The following SLC35F3 variants were observed in gnomAD, a reference collection of about 807,000 sequenced individuals.
SLC35F3 encodes the protein solute carrier family 35 member F3.
SLC35F3 carries 25 observed loss-of-function variants against 49.9 expected under a neutral mutation model. That is an observed-to-expected ratio of 0.50 (90% CI 0.37 to 0.70). SLC35F3 has a LOEUF of 0.70. SLC35F3 is among the 30% of genes least tolerant of loss of function. SLC35F3 has a pLI of 0.00. For synonymous variants in SLC35F3, 275 were observed against 265.4 expected, an observed-to-expected ratio of 1.04 and a Z score of -0.35; for missense variants, 525 against 639.8, an observed-to-expected ratio of 0.82 and a Z score of 1.94.
intron 2 of SLC35F3, among the ~76,000 whole-genome samples, chr1:234,188,907 A>G (rs755433247): frequency 9.2e-5 from 14 of 152,192 alleles, no homozygotes; most frequent in Non-Finnish European, 2.1e-4. Flanking sequence ...GTACCAGCCC[A>G]GAGCCTGGTA....
At chr1:234,111,814 A>T (rs912950667) in intron 2 of SLC35F3, among the ~76,000 whole-genome samples, 1 of 152,186 alleles carries the variant, frequency 6.6e-6, no homozygotes, top group Non-Finnish European at 1.5e-5. Context: ...AGAAAAGAAG[A>T]CTTTTTTAAA....
At chr1:234,203,952 C>A (rs1287320430) in intron 2 of SLC35F3, among the ~76,000 whole-genome samples, 2 of 152,142 alleles carry the variant, frequency 1.3e-5, no homozygotes, top group Admixed American at 1.3e-4. Context: ...GTTATATGAT[C>A]TACATAAGGG....
chr1:233,945,478 T>G (rs1183297904), intron 2 of SLC35F3, among the ~76,000 whole-genome samples: 1 of 152,248 alleles, frequency 6.6e-6, no homozygotes, highest in Non-Finnish European at 1.5e-5. Flanking sequence ...AGATGTTCTG[T>G]AATGGGGATG....
intron 2 of SLC35F3, among the ~76,000 whole-genome samples, chr1:234,001,058 A>G (rs1411848319): frequency 6.6e-6 from 1 of 152,228 alleles, no homozygotes; most frequent in Non-Finnish European, 1.5e-5. Context: ...GAGTCCTGAC[A>G]GGGCAGTTTG....
chr1:234,111,961 C>T (rs898490419), intron 2 of SLC35F3, among the ~76,000 whole-genome samples: 4 of 152,256 alleles, frequency 2.6e-5, no homozygotes, highest in African/African-American at 4.8e-5. Flanking sequence ...GCTCATCCTC[C>T]GAGTGGAGCA....
Position 234,243,506 on chromosome 1 carries a change from C to T in SLC35F3, c.608+11765C>T, listed in dbSNP as rs558794460. Among the ~76,000 whole-genome samples the T allele has an allele frequency of 3.9e-5, 6 of 152,294 alleles. No homozygotes were observed. The East Asian group carries it at 7.7e-4, about 20-fold the overall frequency. ...TTGTCTCTTGGTAAAGATGTTTTCT[C>T]GCATGTAGCAAGTGGAGGGAATTCA... On this transcript the variant is annotated intron_variant, in intron 3 of 7. Coordinates refer to ENST00000366618, the MANE Select transcript of SLC35F3 (RefSeq NM_173508.4).
rs185640311 is a variant in SLC35F3 at position 234,229,305 on chromosome 1, A to G, written c.284-2112A>G. Among the ~76,000 whole-genome samples the G allele has an allele frequency of 4.0e-5, 6 of 151,558 alleles. No homozygotes were observed. In the East Asian group the frequency reaches 1.2e-3, roughly 29 times the overall value. On this transcript the variant is annotated intron_variant, in intron 2 of 7. Transcript: ENST00000366618. ...TTATATGTGGTTATTTTCAAATAAC[A>G]GTGTAGTGAGTTTGGTTCTAAGTGT...
chr1:233,921,558 C>A (rs1050656475), intron 2 of SLC35F3, among the ~76,000 whole-genome samples: 2 of 152,226 alleles, frequency 1.3e-5, no homozygotes, highest in East Asian at 3.8e-4. Context: ...TCCCTCCCTC[C>A]CCTCAAACCC....
intron 3 of SLC35F3, among the ~76,000 whole-genome samples, chr1:234,277,823 C>T (rs1462322016): frequency 1.3e-5 from 2 of 152,068 alleles, no homozygotes; most frequent in African/African-American, 4.8e-5. Context: ...AACGACACTG[C>T]GAAATGAGAG....
intron 2 of SLC35F3, among the ~76,000 whole-genome samples, chr1:234,168,523 G>A (rs57801625): frequency 0.016 from 2,363 of 152,322 alleles, 53 homozygotes; most frequent in African/African-American, 0.053. Context: ...GTGCCTCTCC[G>A]GGCCGCCGTT....
chr1:234,125,525 A>G (rs1665634083), intron 2 of SLC35F3, among the ~76,000 whole-genome samples: 1 of 152,026 alleles, frequency 6.6e-6, no homozygotes, highest in African/African-American at 2.4e-5. Context: ...GCCGGGAGGT[A>G]TAGCCCACCC....
intron 2 of SLC35F3, among the ~76,000 whole-genome samples, chr1:234,220,894 G>T (rs925429265): frequency 1.4e-4 from 21 of 152,192 alleles, no homozygotes; most frequent in African/African-American, 4.6e-4. Flanking sequence ...TGCAAACACA[G>T]GTATGTAGGA....
At chr1:234,108,776 T>TATA (rs1665351075) in intron 2 of SLC35F3, among the ~76,000 whole-genome samples, 6 of 88,224 alleles carry the variant, frequency 6.8e-5, no homozygotes, top group Non-Finnish European at 1.2e-4. Context: ...TATATATCTT[T>TATA]TATATATAAA....
At chr1:234,182,327 C>T (rs1666570610) in intron 2 of SLC35F3, among the ~76,000 whole-genome samples, 1 of 152,154 alleles carries the variant, frequency 6.6e-6, no homozygotes, top group Non-Finnish European at 1.5e-5. Flanking sequence ...TGTATGACAA[C>T]ATGTTCTGGA....
chr1:234,162,445 G>A (rs1666244082), intron 2 of SLC35F3, among the ~76,000 whole-genome samples: 1 of 140,192 alleles, frequency 7.1e-6, no homozygotes, highest in African/African-American at 2.6e-5. Context: ...GGGATTATAA[G>A]TGGAACCTGG....
intron 4 of SLC35F3, among the ~76,000 whole-genome samples, chr1:234,314,247 C>T (rs1488827073): frequency 1.3e-5 from 2 of 150,538 alleles, no homozygotes; most frequent in African/African-American, 5.0e-5. Flanking sequence ...AATGTCCAAC[C>T]GTGCTCTCAT....
Position 234,131,190 on chromosome 1 carries a change from C to T in SLC35F3, c.284-100227C>T, listed in dbSNP as rs181876693. Among the ~76,000 whole-genome samples, 40 of 152,094 alleles carry T rather than the reference C, an allele frequency of 2.6e-4. No homozygotes were observed. In the East Asian group the frequency reaches 7.7e-3, roughly 29 times the overall value. On this transcript the variant is annotated intron_variant, in intron 2 of 7. Coordinates refer to ENST00000366618, the MANE Select transcript of SLC35F3 (RefSeq NM_173508.4). ...GGTTGTGGTGATGTTCTATTTTTGC[C>T]GTGTATGCTTAAAATTTGTCGTTTT...
Position 234,214,390 on chromosome 1 carries a change from C to T in SLC35F3, c.284-17027C>T. On this transcript the variant is annotated intron_variant, in intron 2 of 7. Transcript: ENST00000366618. The surrounding 1 kb of genome is among the most constrained non-coding windows in gnomAD (Gnocchi z 8.0). ...CTGAGAGGGGCGAGCCGCTGGTGCT[C>T]CCCGGCGGCAGAGGGCCGCGTCGGC... 1 of 1,367,708 alleles carries T rather than the reference C, an allele frequency of 7.3e-7. No homozygotes were observed. The highest frequency in any genetic ancestry group is 9.4e-7 in the Non-Finnish European group (1 of 1,059,238). The allele number at this position is 1,367,708 out of a possible 1,614,324, so 84.7% of individuals were successfully genotyped here.
intron 2 of SLC35F3, among the ~76,000 whole-genome samples, chr1:234,209,597 G>GT (rs1213149672): frequency 1.3e-5 from 2 of 152,228 alleles, no homozygotes; most frequent in East Asian, 3.9e-4. Context: ...GGGAAGTTTG[G>GT]TTTTTTGAGG....
Sources: allele counts gnomAD v4.1 joint callset (sites outside exome capture counted in the v4.1 genomes callset), GRCh38; gene constraint gnomAD v4.1.1; non-coding constraint Gnocchi (gnomAD v3.1); transcripts MANE v1.5; gene names NCBI Gene and HGNC (gene_info 2026-07-23, HGNC 2026-07-21).